ESCO1: variants seen among roughly 807,000 people sequenced by gnomAD.
ESCO1 encodes N-acetyltransferase ESCO1.
In ESCO1, 33 loss-of-function variants were observed where a neutral mutation model predicts 83.5. The ratio of observed to expected loss-of-function variants is 0.40; its 90% confidence interval spans 0.30 to 0.53. The LOEUF (loss-of-function observed/expected upper bound fraction) is 0.53. Among genes scored for constraint, ESCO1 ranks in the 20% least tolerant of loss-of-function variants. The pLI, the probability that ESCO1 is intolerant of heterozygous loss-of-function variation, is 0.63. For synonymous variants in ESCO1, 332 were observed against 324.3 expected, an observed-to-expected ratio of 1.02 and a Z score of -0.25; for missense variants, 855 against 968.0, an observed-to-expected ratio of 0.88 and a Z score of 1.55.
intron 10 of ESCO1, among the ~76,000 whole-genome samples, chr18:21,534,824 C>A (rs1173971893): frequency 1.3e-5 from 2 of 152,030 alleles, no homozygotes; most frequent in Admixed American, 6.6e-5. Flanking sequence ...CACGGTTTCA[C>A]CATGTTGGCC....
chr18:21,546,254 C>T (rs1304503430), intron 8 of ESCO1, among the ~76,000 whole-genome samples: 2 of 151,874 alleles, frequency 1.3e-5, no homozygotes, highest in East Asian at 3.9e-4. Flanking sequence ...ACCTATAAAA[C>T]AGATACAAAA....
intron 4 of ESCO1, among the ~76,000 whole-genome samples, chr18:21,569,323 C>T (rs1344731830): frequency 6.6e-6 from 1 of 152,200 alleles, no homozygotes; most frequent in Non-Finnish European, 1.5e-5. Flanking sequence ...TCAGGCGGGG[C>T]GTGGTGGCTC....
intron 7 of ESCO1, among the ~76,000 whole-genome samples, chr18:21,562,054 T>C (rs1411516424): frequency 6.6e-6 from 1 of 151,282 alleles, no homozygotes; most frequent in South Asian, 2.1e-4. Context: ...AATTTTTATA[T>C]CTTTTAATAG....
At chr18:21,534,545 T>G (rs2037808164) in intron 10 of ESCO1, among the ~76,000 whole-genome samples, 1 of 152,186 alleles carries the variant, frequency 6.6e-6, no homozygotes. Context: ...CCATTGTTTG[T>G]TTTTTGTACA....
At chr18:21,535,185 A>C (rs771309990) in intron 10 of ESCO1, among the ~76,000 whole-genome samples, 3 of 152,128 alleles carry the variant, frequency 2.0e-5, no homozygotes, top group Non-Finnish European at 4.4e-5. Context: ...TCCAACATGG[A>C]AACTTCCAAA....
chr18:21,554,853 A>G (rs1472186663), intron 8 of ESCO1, among the ~76,000 whole-genome samples: 1 of 152,124 alleles, frequency 6.6e-6, no homozygotes, highest in Non-Finnish European at 1.5e-5. Context: ...GGTTTCAGTG[A>G]GCAGAGATCA....
At chr18:21,591,273 T>C (rs1394219212) in intron 1 of ESCO1, among the ~76,000 whole-genome samples, 1 of 151,898 alleles carries the variant, frequency 6.6e-6, no homozygotes, top group African/African-American at 2.4e-5. Context: ...ATGGCAGAGA[T>C]TGGAGTAATG....
At chr18:21,589,396 G>GT (rs921026112) in intron 1 of ESCO1, among the ~76,000 whole-genome samples, 13 of 139,950 alleles carry the variant, frequency 9.3e-5, no homozygotes, top group South Asian at 4.8e-4. Context: ...CATCTTGATG[G>GT]TTTTTTTTAC....
At chr18:21,590,970 A>G (rs1159326533) in intron 1 of ESCO1, among the ~76,000 whole-genome samples, 1 of 150,808 alleles carries the variant, frequency 6.6e-6, no homozygotes, top group East Asian at 2.0e-4. Flanking sequence ...AAAAAAATCC[A>G]CTCTCTTGAA....
At chr18:21,561,067 T>A in intron 7 of ESCO1, 77 bp from the exon 8 acceptor site, 1 of 1,403,034 alleles carries the variant, frequency 7.1e-7, no homozygotes, top group Non-Finnish European at 9.4e-7. Flanking sequence ...AAGGCTATAG[T>A]GTGAGCATAA....
chr18:21,559,818 G>C (rs1184200975), intron 8 of ESCO1, among the ~76,000 whole-genome samples: 2 of 152,188 alleles, frequency 1.3e-5, no homozygotes, highest in Non-Finnish European at 2.9e-5. Context: ...TGGTAGGAGA[G>C]AGTGTGTGGA....
At chr18:21,541,338 C>T (rs755494266) in intron 8 of ESCO1, among the ~76,000 whole-genome samples, 2 of 151,948 alleles carry the variant, frequency 1.3e-5, no homozygotes, top group East Asian at 1.9e-4. Context: ...CAGTGGCTCA[C>T]GCCTGTAATC....
chr18:21,592,243 G>T (rs1232461004), intron 1 of ESCO1, among the ~76,000 whole-genome samples: 6 of 150,866 alleles, frequency 4.0e-5, no homozygotes, highest in South Asian at 2.1e-4. Context: ...CCCAGTAGGG[G>T]CGGCCGGGCA....
At chr18:21,587,700 G>A (rs573517417) in intron 1 of ESCO1, among the ~76,000 whole-genome samples, 21 of 152,160 alleles carry the variant, frequency 1.4e-4, no homozygotes, top group African/African-American at 4.6e-4. Flanking sequence ...ACTTTGGGAG[G>A]CCAAGGTGGG....
At chr18:21,566,068 C>T in intron 6 of ESCO1, 78 bp downstream of exon 6, 6 of 1,354,800 alleles carry the variant, frequency 4.4e-6, no homozygotes, top group South Asian at 2.5e-5. Context: ...ACTAGCATAA[C>T]TTTTTAGGGA....
At position 21,540,017 on chromosome 18, in the gene ESCO1, T is replaced by G. The variant is rs765297358; in HGVS notation, c.1954-8A>C. 9 of 782,306 alleles carry G rather than the reference T, an allele frequency of 1.2e-5. No homozygotes were observed. The East Asian group carries it at 2.1e-4, about 18-fold the overall frequency. The allele number at this position is 782,306 out of a possible 1,614,324, so 48.5% of individuals were successfully genotyped here. ...TCTTTCTTTCTTCCAGCCCTAGATATATATATATATATATACACACATATG... is the reference window on the plus strand; with the variant it reads ...TCTTTCTTTCTTCCAGCCCTAGATAGATATATATATATATACACACATATG... On this transcript the variant is annotated splice_region_variant and splice_polypyrimidine_tract_variant and intron_variant, in intron 8 of 11. Transcript: ENST00000269214.
chr18:21,560,865 T>C lies in ESCO1; in HGVS notation c.1947A>G (p.Lys649=), dbSNP rs367967660. 37 of 1,603,654 alleles carry C rather than the reference T, an allele frequency of 2.3e-5. No homozygotes were observed. Among genetic ancestry groups the C allele is most frequent in the Non-Finnish European group, 3.0e-5 (35 of 1,177,224 alleles). The change falls in exon 8 of 12, where the codon AAA becomes AAG. Residue 649 remains lysine (K), a synonymous_variant. Transcript: ENST00000269214. ...ATTCACAAATTCCACTTACCACATA[T>C]TTAACAGCACTTATAAACTGGTTGT... The part of the protein sequence containing the change: ...LFHNQFISAV[K]YVGWKKERIL...
chr18:21,569,500 C>T (rs990768484), intron 4 of ESCO1, among the ~76,000 whole-genome samples: 3 of 152,178 alleles, frequency 2.0e-5, no homozygotes, highest in African/African-American at 7.2e-5. Context: ...AATCCCAGCA[C>T]TTTGGGAGGC....
chr18:21,574,377 T>A lies in ESCO1; in HGVS notation c.467A>T (p.Lys156Ile), dbSNP rs2038389029. 1 of 1,614,126 alleles carries A rather than the reference T, an allele frequency of 6.2e-7. No individual in the cohort carries two copies. Among genetic ancestry groups the A allele is most frequent in the East Asian group, 2.2e-5 (1 of 44,870 alleles). Residue 156 changes from lysine (K) to isoleucine (I), a missense_variant, in exon 4 of 12, where the codon AAA becomes ATA. By Grantham distance (102) the Lys-to-Ile change is moderately radical (BLOSUM62 -3). Around this residue, in one of 2 missense-constraint regions of ESCO1, gnomAD observed 726 missense variants for 699.5 expected, o/e 1.04. Coordinates refer to ENST00000269214, the MANE Select transcript of ESCO1 (RefSeq NM_052911.3). Reference protein sequence around the residue: ...QAVKQSLPPTKKEQCSSTQSK... With the variant: ...QAVKQSLPPTIKEQCSSTQSK... Reference sequence around the variant, plus strand: ...CTGAGTACTGCTACACTGCTCTTTTTTAGTTGGTGGCAAACTCTGTTTAAC... The same window carrying A: ...CTGAGTACTGCTACACTGCTCTTTTATAGTTGGTGGCAAACTCTGTTTAAC...
Sources: allele counts gnomAD v4.1 joint callset (sites outside exome capture counted in the v4.1 genomes callset), GRCh38; gene constraint gnomAD v4.1.1; regional missense constraint gnomAD v4.1.1; transcripts MANE v1.5; gene names NCBI Gene and HGNC (gene_info 2026-07-23, HGNC 2026-07-21).